Variants in CSMD1 observed in about 807,000 individuals in gnomAD.
CSMD1 encodes the protein CUB and Sushi multiple domains 1.
CSMD1 carries 213 observed loss-of-function variants against 417.5 expected under a neutral mutation model. The ratio of observed to expected loss-of-function variants is 0.51; its 90% CI spans 0.46 to 0.57. CSMD1 has a LOEUF of 0.57. Ranked by LOEUF, CSMD1 falls within the 20% of genes least tolerant of loss-of-function variation. The pLI is 0.00. For synonymous variants in CSMD1, 2,862 were observed against 1,736.8 expected (o/e 1.65, Z -16.11); for missense variants, 6,923 against 4,529.7 (o/e 1.53, Z -15.17).
chr8:4,169,060 G>C (rs1222137080), intron 3 of CSMD1, among the ~76,000 whole-genome samples: 1 of 152,056 alleles, frequency 6.6e-6, no homozygotes, highest in African/African-American at 2.4e-5. Context: ...CTGACCTCTG[G>C]ATGTTTCTCC....
chr8:3,958,743 G>C (rs1996899), intron 5 of CSMD1, among the ~76,000 whole-genome samples: 98,423 of 151,926 alleles, frequency 0.65, 32,236 homozygotes, highest in East Asian at 0.93. Context: ...TACTATGGGT[G>C]AGGTCACACA....
At chr8:4,703,324 A>G (rs1041699867) in intron 1 of CSMD1, among the ~76,000 whole-genome samples, 1 of 152,192 alleles carries the variant, frequency 6.6e-6, no homozygotes, top group Non-Finnish European at 1.5e-5. Flanking sequence ...TTTTTCAAAT[A>G]TACGTCGCTC....
At chr8:3,874,848 C>T (rs962472114) in intron 5 of CSMD1, among the ~76,000 whole-genome samples, 4 of 152,016 alleles carry the variant, frequency 2.6e-5, no homozygotes, top group African/African-American at 9.7e-5. Flanking sequence ...GATGAATAAA[C>T]CCATTAAGAA....
At chr8:4,504,011 A>G (rs1802394645) in intron 2 of CSMD1, among the ~76,000 whole-genome samples, 1 of 152,146 alleles carries the variant, frequency 6.6e-6, no homozygotes, top group Non-Finnish European at 1.5e-5. Context: ...CAGGATGTCA[A>G]AGAGGTTATC....
chr8:4,182,030 G>C (rs190147215), intron 3 of CSMD1, among the ~76,000 whole-genome samples: 4 of 118,340 alleles, frequency 3.4e-5, no homozygotes, highest in African/African-American at 1.1e-4. Context: ...ACACCCGTGT[G>C]TGTGTGTGTG....
intron 18 of CSMD1, among the ~76,000 whole-genome samples, chr8:3,384,696 TAA>T (rs1203089788): frequency 1.7e-5 from 2 of 118,048 alleles, no homozygotes; most frequent in Admixed American, 1.1e-4. Flanking sequence ...TATATTTATA[TAA>T]ATTATATATA....
At chr8:4,127,219 C>A (rs536482820) in intron 3 of CSMD1, among the ~76,000 whole-genome samples, 3 of 152,042 alleles carry the variant, frequency 2.0e-5, no homozygotes, top group African/African-American at 7.2e-5. Context: ...CCTCCAGGAT[C>A]AAACCCATGG....
chr8:4,484,342 T>G (rs1026810263), intron 2 of CSMD1, among the ~76,000 whole-genome samples: 1 of 152,184 alleles, frequency 6.6e-6, no homozygotes, highest in Non-Finnish European at 1.5e-5. Context: ...ATTTTAACAT[T>G]GAGAGAAAGA....
intron 1 of CSMD1, among the ~76,000 whole-genome samples, chr8:4,675,828 A>C (rs1384447206): frequency 6.6e-6 from 1 of 152,194 alleles, no homozygotes; most frequent in Non-Finnish European, 1.5e-5. Context: ...AAGGTACTCT[A>C]ATCATCACAT....
chr8:3,303,146 A>G (rs1804545891), intron 25 of CSMD1, among the ~76,000 whole-genome samples: 3 of 152,222 alleles, frequency 2.0e-5, no homozygotes, highest in Admixed American at 6.5e-5. Context: ...GAGAAATTGG[A>G]CATGCTTTTA....
At chr8:3,565,469 G>A (rs182370599) in intron 10 of CSMD1, among the ~76,000 whole-genome samples, 14 of 152,262 alleles carry the variant, frequency 9.2e-5, no homozygotes, top group African/African-American at 3.1e-4. Context: ...CCTTAATAAA[G>A]TCTACTGAAC....
At chr8:3,659,338 T>C (rs144221602) in intron 7 of CSMD1, among the ~76,000 whole-genome samples, 2 of 152,214 alleles carry the variant, frequency 1.3e-5, no homozygotes, top group Non-Finnish European at 2.9e-5. Flanking sequence ...CAAATTTTCA[T>C]TTTGCACTTG....
intron 36 of CSMD1, among the ~76,000 whole-genome samples, chr8:3,187,357 G>A (rs773048602): frequency 1.4e-4 from 22 of 152,126 alleles, no homozygotes; most frequent in Non-Finnish European, 2.9e-4. Context: ...GAGCAGACTC[G>A]TCAAGGCGGG....
chr8:4,626,645 C>T (rs1001277367), intron 2 of CSMD1, among the ~76,000 whole-genome samples: 1 of 152,082 alleles, frequency 6.6e-6, no homozygotes, highest in East Asian at 1.9e-4. Context: ...AGGGCGCCAG[C>T]TTGATTCTGA....
chr8:3,615,453 A>G (rs751661414), intron 8 of CSMD1, among the ~76,000 whole-genome samples: 2 of 152,200 alleles, frequency 1.3e-5, no homozygotes, highest in Non-Finnish European at 2.9e-5. Context: ...CTCTGCCTCA[A>G]ATGGATTTCA....
intron 2 of CSMD1, among the ~76,000 whole-genome samples, chr8:4,621,896 T>C (rs774543869): frequency 5.3e-5 from 8 of 152,004 alleles, no homozygotes; most frequent in Non-Finnish European, 1.0e-4. Flanking sequence ...TAATTCAATG[T>C]AATTGAACAT....
chr8:3,926,442 A>G lies in CSMD1; in HGVS notation c.818+71461T>C, dbSNP rs1809736176. 1.3e-5 allele frequency among the ~76,000 whole-genome samples: 2 copies of G among 152,052 alleles called. 1 individual carries two copies. The highest frequency in any genetic ancestry group is 2.9e-5 in the Non-Finnish European group (2 of 67,994). On this transcript the variant is annotated intron_variant, in intron 5 of 69. Coordinates refer to ENST00000635120, the MANE Select transcript of CSMD1 (RefSeq NM_033225.6). ...ACCAGTAGCTAATATAGAGTCTGTT[A>G]TAAATATTTGTTGAATGAGTGAATA...
intron 6 of CSMD1, among the ~76,000 whole-genome samples, chr8:3,742,806 G>C (rs1222597310): frequency 6.6e-6 from 1 of 152,150 alleles, no homozygotes; most frequent in Non-Finnish European, 1.5e-5. Context: ...AAAACAAACA[G>C]AGAACTCCTC....
Position 4,441,718 on chromosome 8 carries a change from G to A in CSMD1, c.303-21653C>T, listed in dbSNP as rs1798492688. Among the ~76,000 whole-genome samples, 5 of 152,046 alleles carry A rather than the reference G, an allele frequency of 3.3e-5. No homozygotes were observed. In the South Asian group the frequency reaches 8.3e-4, roughly 25 times the overall value. On this transcript the variant is annotated intron_variant, in intron 2 of 69. Transcript: ENST00000635120. Reference sequence around the variant, plus strand: ...TACCAATTAAAACGTTTGAGGTACAGGAGATAAATGAAAATTTTTACTTAA... The same window carrying A: ...TACCAATTAAAACGTTTGAGGTACAAGAGATAAATGAAAATTTTTACTTAA...
Sources: gnomAD v4.1 joint callset for allele counts (sites outside exome capture counted in the v4.1 genomes callset) on GRCh38, gnomAD v4.1.1 for gene constraint, MANE v1.5 for transcripts, NCBI Gene and HGNC (gene_info 2026-07-23, HGNC 2026-07-21) for gene names.